RGS12: variants seen among roughly 807,000 people sequenced by gnomAD.
RGS12 encodes regulator of G-protein signaling 12.
Under a neutral mutation model 120.1 loss-of-function variants are expected in RGS12, and 66 were observed. The observed-to-expected ratio is 0.55, with a 90% CI of 0.45 to 0.67. RGS12 has a LOEUF of 0.67. Ranked by LOEUF, RGS12 falls within the 30% of genes least tolerant of loss-of-function variation. The probability of loss-of-function intolerance (pLI) is 0.00; values close to 1 mark genes in which losing one functional copy is unlikely to be tolerated. For missense variants in RGS12, 1,859 were observed against 1,957.7 expected (o/e 0.95, Z 0.95); for synonymous variants, 827 against 804.7 (o/e 1.03, Z -0.47).
chr4:3,408,603 C>T (rs575969346), intron 4 of RGS12, among the ~76,000 whole-genome samples: 3 of 152,288 alleles, frequency 2.0e-5, no homozygotes, highest in African/African-American at 7.2e-5. Flanking sequence ...CTGTCCTTTG[C>T]GAATCGCTGG....
At chr4:3,322,993 G>A (rs3749557) in intron 2 of RGS12, among the ~76,000 whole-genome samples, 3 of 152,308 alleles carry the variant, frequency 2.0e-5, no homozygotes, top group East Asian at 1.9e-4. Flanking sequence ...TGGAGTACCC[G>A]AGAGCTACAT....
At chr4:3,349,797 TTC>T (rs1280932625) in intron 3 of RGS12, among the ~76,000 whole-genome samples, 1 of 152,306 alleles carries the variant, frequency 6.6e-6, no homozygotes, top group East Asian at 1.9e-4. Context: ...TATTTAGTCC[TTC>T]TCTAAAATTT....
At chr4:3,428,493 C>T (rs944758550) in intron 15 of RGS12, 65 bp from the exon 16 acceptor site, 27 of 1,364,470 alleles carry the variant, frequency 2.0e-5, no homozygotes, top group Admixed American at 4.5e-5. Flanking sequence ...TACTCTCTAA[C>T]TAATGAATGA....
chr4:3,295,121 G>C (rs747604172), intron 1 of RGS12, among the ~76,000 whole-genome samples: 4 of 152,294 alleles, frequency 2.6e-5, no homozygotes, highest in Admixed American at 2.6e-4. Flanking sequence ...GTGGCGCTGG[G>C]AGCTGGGACT....
At chr4:3,289,968 T>G (rs562483521), upstream of RGS12, among the ~76,000 whole-genome samples, 2 of 152,364 alleles carry the variant, frequency 1.3e-5, no homozygotes, top group East Asian at 1.9e-4. Flanking sequence ...GGTTTATCTG[T>G]GTTGTTGCAG....
At chr4:3,291,857 G>A (rs1203813377), upstream of RGS12, among the ~76,000 whole-genome samples, 1 of 152,214 alleles carries the variant, frequency 6.6e-6, no homozygotes, top group Non-Finnish European at 1.5e-5. Flanking sequence ...CTCCCGGACC[G>A]CGCCTCTGCC....
chr4:3,420,781 C>A, intron 10 of RGS12, 63 bp downstream of exon 10: 2 of 1,304,888 alleles, frequency 1.5e-6, no homozygotes, highest in Non-Finnish European at 2.2e-6. Flanking sequence ...TGACTGATGA[C>A]ACCTCTCTCC....
intron 2 of RGS12, among the ~76,000 whole-genome samples, chr4:3,334,881 C>T (rs566165074): frequency 6.6e-6 from 1 of 152,218 alleles, no homozygotes; most frequent in Non-Finnish European, 1.5e-5. Context: ...CACATTGAGT[C>T]TTGGCTCTGG....
intron 10 of RGS12, among the ~76,000 whole-genome samples, chr4:3,421,670 G>T (rs539018450): frequency 6.6e-6 from 1 of 152,216 alleles, no homozygotes; most frequent in Non-Finnish European, 1.5e-5. Flanking sequence ...AGTTCACCCC[G>T]TCCCACAGCC....
At chr4:3,371,364 A>G (rs1716966400) in intron 3 of RGS12, among the ~76,000 whole-genome samples, 1 of 151,992 alleles carries the variant, frequency 6.6e-6, no homozygotes. Context: ...TGAATTTTGG[A>G]GCTGTCGTGG....
chr4:3,316,902 C>T lies in RGS12; in HGVS notation c.732C>T (p.Ser244=). The T allele has an allele frequency of 6.2e-7, 1 of 1,614,030 alleles. No homozygotes were observed. The highest frequency in any genetic ancestry group is 2.2e-5 in the East Asian group (1 of 44,890). ...GCTCCATTGAGCTTCCTTCCACGAG[C>T]TCCAACCTGGAGTCCGACAGCTTGC... ...YLGSIELPST[S]SNLESDSLQA... The change falls in exon 2 of 18, where the codon AGC becomes AGT. Residue 244 remains serine (S), a synonymous_variant. Transcript: ENST00000336727.
intron 3 of RGS12, chr4:3,386,134 T>C (rs1029814384): frequency 6.2e-6 from 3 of 483,744 alleles, no homozygotes; most frequent in Admixed American, 3.8e-5. Flanking sequence ...GTTGGTTTCA[T>C]TGACGCTGTT....
chr4:3,386,212 T>C, intron 3 of RGS12: 2 of 607,370 alleles, frequency 3.3e-6, no homozygotes, highest in South Asian at 4.2e-5. Context: ...CTTCCTCTTG[T>C]TGGGTGTCAC....
intron 3 of RGS12, among the ~76,000 whole-genome samples, chr4:3,347,078 G>C (rs1713865352): frequency 2.0e-5 from 3 of 152,004 alleles, no homozygotes; most frequent in Non-Finnish European, 4.4e-5. Flanking sequence ...GGGAGAAAAA[G>C]CAAATGTTTT....
chr4:3,292,319 C>T (rs1014993651), upstream of RGS12, among the ~76,000 whole-genome samples: 1 of 152,208 alleles, frequency 6.6e-6, no homozygotes, highest in Non-Finnish European at 1.5e-5. Flanking sequence ...GCCTCCGGTC[C>T]CGCCCTCGCT....
At chr4:3,387,269 G>A (rs1014292560) in intron 4 of RGS12, among the ~76,000 whole-genome samples, 11 of 152,318 alleles carry the variant, frequency 7.2e-5, no homozygotes, top group African/African-American at 2.6e-4. Context: ...GGTTTGAGGT[G>A]CCACTGTATT....
upstream of RGS12, among the ~76,000 whole-genome samples, chr4:3,290,965 C>T (rs1578652811): frequency 6.6e-6 from 1 of 152,356 alleles, no homozygotes; most frequent in East Asian, 1.9e-4. Flanking sequence ...CTGGCTTTCA[C>T]GGGGATGGAC....
At chr4:3,291,513 AT>A (rs1723019933), upstream of RGS12, among the ~76,000 whole-genome samples, 1 of 152,050 alleles carries the variant, frequency 6.6e-6, no homozygotes, top group South Asian at 2.1e-4. Context: ...CGCTTGGCTA[AT>A]TTTTTGTATT....
At chr4:3,370,337 T>C in intron 3 of RGS12, 1 of 1,613,052 alleles carries the variant, frequency 6.2e-7, no homozygotes, top group South Asian at 1.1e-5. Context: ...TAGTTCCGGC[T>C]TTTTCTTTTC....
Sources: gnomAD v4.1 joint callset for allele counts (sites outside exome capture counted in the v4.1 genomes callset) on GRCh38, gnomAD v4.1.1 for gene constraint, MANE v1.5 for transcripts, NCBI Gene and HGNC (gene_info 2026-07-23, HGNC 2026-07-21) for gene names.